OR8D1: variants seen among roughly 807,000 people sequenced by gnomAD.
OR8D1 encodes the protein olfactory receptor family 8 subfamily D member 1.
For synonymous variants in OR8D1, 143 were observed against 147.0 expected (o/e 0.97, Z 0.20); for missense variants, 384 against 366.8 (o/e 1.05, Z -0.38).
chr11:124,312,551 T>TAC (rs1318022746), intron 1 of OR8D1, among the ~76,000 whole-genome samples: 1 of 149,238 alleles, frequency 6.7e-6, no homozygotes, highest in East Asian at 2.0e-4. Context: ...AGAGTTTTGC[T>TAC]CTGTCGCCCA....
At position 124,310,334 on chromosome 11, in the gene OR8D1, C is replaced by G; in HGVS notation, c.433G>C (p.Val145Leu). The G allele has an allele frequency of 6.2e-7, 1 of 1,613,732 alleles. No individual in the cohort carries two copies. Among genetic ancestry groups the G allele is most frequent in the Non-Finnish European group, 8.5e-7 (1 of 1,179,922 alleles). ...AAGCCCAAGAAGAAGGCAGCCAGCA[C>G]TAGCAGTGAGCAGACCCATGAGGAC... ...IMSSWVCSLL[V>L]LAAFFLGFLS... The change falls in exon 3 of 3, where the codon GTG becomes CTG. Residue 145 changes from valine (V) to leucine (L), a missense_variant. By Grantham distance (32) the Val-to-Leu change is conservative. Coordinates refer to ENST00000641015, the MANE Select transcript of OR8D1 (RefSeq NM_001002917.2).
Position 124,309,982 on chromosome 11 carries a change from G to T in OR8D1, c.785C>A (p.Pro262His). 1 of 1,579,038 alleles carries T rather than the reference G, an allele frequency of 6.3e-7. No individual in the cohort carries two copies. The highest frequency in any genetic ancestry group is 2.2e-5 in the East Asian group (1 of 44,584). Residue 262 changes from proline to histidine, a missense_variant, in exon 3 of 3, where the codon CCC becomes CAC. Physicochemically the swap from Pro to His is moderately conservative, Grantham distance 77. Coordinates refer to ENST00000641015, the MANE Select transcript of OR8D1 (RefSeq NM_001002917.2). ...CTGGTCCAGGGAGTTACTTGAAGGG[G>T]GCTTGAAATACATGAAGGTAATGGA... ...FGSITFMYFK[P>H]PSSNSLDQEK...
rs1026774385 is a variant in OR8D1 at position 124,303,347 on chromosome 11, A to C, written c.*6493T>G. On this transcript the variant is annotated 3_prime_UTR_variant, in exon 3 of 3. Coordinates refer to ENST00000641015, the MANE Select transcript of OR8D1 (RefSeq NM_001002917.2). The stretch of plus-strand genomic sequence containing the variant: ...ACGGGGATTACAGGTCCCTCTGTCG[A>C]CACGTGGATGTGGACACAGGGCTAA... The C allele has an allele frequency of 6.6e-6, 1 of 152,052 alleles. No homozygotes were observed. The highest frequency in any genetic ancestry group is 2.4e-5 in the African/African-American group (1 of 41,418). 9.4% of individuals were successfully genotyped at this position (152,052 alleles called of 1,614,324 possible).
rs1396252509 is a variant in OR8D1 at position 124,307,398 on chromosome 11, GTT to G, written c.*2440_*2441del. On this transcript the variant is annotated 3_prime_UTR_variant, in exon 3 of 3. Coordinates refer to ENST00000641015, the MANE Select transcript of OR8D1 (RefSeq NM_001002917.2). ...CCACTGGTGCATATACAGAAGAGTT[GTT>G]TACAAATAAGTGAATAACTTTAGAA... The G allele has an allele frequency of 1.3e-5, 2 of 152,110 alleles. No individual in the cohort carries two copies. Among genetic ancestry groups the G allele is most frequent in the Admixed American group, 6.6e-5 (1 of 15,244 alleles). 9.4% of individuals were successfully genotyped at this position (152,110 alleles called of 1,614,324 possible).
In OR8D1 at chr11:124,310,899, TG is replaced by T. The variant is rs1459817507; in HGVS notation, c.-16-118del. ...TAACAGACTGAGTCATAGTTTTCAT[TG>T]TCTCTAAACTTGATACCTCTGCTTT... On this transcript the variant is annotated intron_variant, in intron 2 of 2. Transcript: ENST00000641015. 18 of 652,156 alleles carry T rather than the reference TG, an allele frequency of 2.8e-5. No homozygotes were observed. The African/African-American group carries it at 2.9e-4, about 11-fold the overall frequency. 40.4% of individuals were successfully genotyped at this position (652,156 alleles called of 1,614,324 possible). A position where few individuals can be genotyped will look rare whatever the true frequency, so the allele number is the denominator to read the frequency against.
In OR8D1 at chr11:124,304,375, T is replaced by C. The variant is rs1328697096; in HGVS notation, c.*5465A>G. 6.6e-6 allele frequency: 1 copy of C among 151,976 alleles called. No homozygotes were observed. The highest frequency in any genetic ancestry group is 1.5e-5 in the Non-Finnish European group (1 of 67,928). The allele number at this position is 151,976 out of a possible 1,614,324, so 9.4% of individuals were successfully genotyped here. A position where few individuals can be genotyped will look rare whatever the true frequency, so the allele number is the denominator to read the frequency against. On this transcript the variant is annotated 3_prime_UTR_variant, in exon 3 of 3. Transcript: ENST00000641015. ...TTTGGTTGCATGCCTCGATAGATTG[T>C]CCCTTTTTATTACTAAGTGGTGTTC...
Position 124,302,969 on chromosome 11 carries a change from C to T in OR8D1, c.*6871G>A, listed in dbSNP as rs1387508376. The T allele has an allele frequency of 1.3e-5, 2 of 152,038 alleles. No homozygotes were observed. The highest frequency in any genetic ancestry group is 4.1e-4 in the South Asian group (2 of 4,826). 9.4% of individuals were successfully genotyped at this position (152,038 alleles called of 1,614,324 possible). A position where few individuals can be genotyped will look rare whatever the true frequency, so the allele number is the denominator to read the frequency against. On this transcript the variant is annotated 3_prime_UTR_variant, in exon 3 of 3. Transcript: ENST00000641015. ...CCAGGGCTTCCTGTCTCCTGATTTA[C>T]TCATGAACTCCTTACTAGGAAGGAA...
rs377692637 is a variant in OR8D1, at chr11:124,308,499, C to G, written c.*1341G>C. 55 of 152,132 alleles carry G rather than the reference C, an allele frequency of 3.6e-4. No individual in the cohort carries two copies. The highest frequency in any genetic ancestry group is 1.3e-3 in the African/African-American group (53 of 41,528). The allele number at this position is 152,132 out of a possible 1,614,324, so 9.4% of individuals were successfully genotyped here. On this transcript the variant is annotated 3_prime_UTR_variant, in exon 3 of 3. Coordinates refer to ENST00000641015, the MANE Select transcript of OR8D1 (RefSeq NM_001002917.2). ...CAAGGCCACGGTAAATGTTTAGGACCTGGTTCAACAAACTGATAGGAAGAT... is the reference window on the plus strand; with the variant it reads ...CAAGGCCACGGTAAATGTTTAGGACGTGGTTCAACAAACTGATAGGAAGAT...
At chr11:124,311,917 G>T (rs1461382887) in intron 1 of OR8D1, among the ~76,000 whole-genome samples, 1 of 152,124 alleles carries the variant, frequency 6.6e-6, no homozygotes, top group South Asian at 2.1e-4. Context: ...TATTGAATGA[G>T]CTTAATGAGG....
rs1401739327 is a variant in OR8D1 at position 124,304,392 on chromosome 11, G to A, written c.*5448C>T. ...ATAGATTGTCCCTTTTTATTACTAAGTGGTGTTCCATTATACATATATTCC... is the reference window on the plus strand; with the variant it reads ...ATAGATTGTCCCTTTTTATTACTAAATGGTGTTCCATTATACATATATTCC... On this transcript the variant is annotated 3_prime_UTR_variant, in exon 3 of 3. Transcript: ENST00000641015. 1 of 151,868 alleles carries A rather than the reference G, an allele frequency of 6.6e-6. No homozygotes were observed. The highest frequency in any genetic ancestry group is 1.9e-4 in the East Asian group (1 of 5,182). The allele number at this position is 151,868 out of a possible 1,614,324, so 9.4% of individuals were successfully genotyped here. A position where few individuals can be genotyped will look rare whatever the true frequency, so the allele number is the denominator to read the frequency against.
At position 124,310,498 on chromosome 11, in the gene OR8D1, T is replaced by G. The variant is rs144734293; in HGVS notation, c.269A>C (p.Asn90Thr). The G allele has an allele frequency of 6.8e-6, 11 of 1,613,586 alleles. No homozygotes were observed. The highest frequency in any genetic ancestry group is 8.5e-6 in the Non-Finnish European group (10 of 1,179,870). ...KMLVNFLGKK[N>T]TILYSECMVQ... ...CATGCACTCAGAGTAAAGGATTGTA[T>G]TCTTCTTTCCTAGGAAGTTCACCAG... The change falls in exon 3 of 3, where the codon AAT (asparagine) becomes ACT (threonine). Residue 90 changes from asparagine to threonine, a missense_variant. Asn to Thr is a moderately conservative substitution (Grantham distance 65). Transcript: ENST00000641015.
At position 124,305,702 on chromosome 11, in the gene OR8D1, G is replaced by A. The variant is rs1862363787; in HGVS notation, c.*4138C>T. Reference sequence around the variant, plus strand: ...ATATAAAATTCATTAAAATGCAGTGGAGGAATATCTTAAAAACTGATTGGA... The same window carrying A: ...ATATAAAATTCATTAAAATGCAGTGAAGGAATATCTTAAAAACTGATTGGA... On this transcript the variant is annotated 3_prime_UTR_variant, in exon 3 of 3. Transcript: ENST00000641015. 1 of 151,748 alleles carries A rather than the reference G, an allele frequency of 6.6e-6. No individual in the cohort carries two copies. Among genetic ancestry groups the A allele is most frequent in the African/African-American group, 2.4e-5 (1 of 41,360 alleles). 9.4% of individuals were successfully genotyped at this position (151,748 alleles called of 1,614,324 possible). A position where few individuals can be genotyped will look rare whatever the true frequency, so the allele number is the denominator to read the frequency against.
In OR8D1 at chr11:124,307,008, T is replaced by C. The variant is rs1336660843; in HGVS notation, c.*2832A>G. ...TTGGTTATCCTTGCCTATGAAATTC[T>C]ACCTCTACTAATAGAGACCTACAGG... On this transcript the variant is annotated 3_prime_UTR_variant, in exon 3 of 3. Transcript: ENST00000641015. 1 of 152,108 alleles carries C rather than the reference T, an allele frequency of 6.6e-6. No homozygotes were observed. The highest frequency in any genetic ancestry group is 2.4e-5 in the African/African-American group (1 of 41,438). 9.4% of individuals were successfully genotyped at this position (152,108 alleles called of 1,614,324 possible).
rs894494242 is a variant in OR8D1, at chr11:124,306,442, C to G, written c.*3398G>C. On this transcript the variant is annotated 3_prime_UTR_variant, in exon 3 of 3. Transcript: ENST00000641015. ...ATATTCACAGTGAAACTTCTGCATA[C>G]TTTTCTATGGGATATTAATCTTTTT... The G allele has an allele frequency of 6.7e-6, 1 of 149,362 alleles. No individual in the cohort carries two copies. Among genetic ancestry groups the G allele is most frequent in the South Asian group, 2.1e-4 (1 of 4,782 alleles). The allele number at this position is 149,362 out of a possible 1,614,324, so 9.3% of individuals were successfully genotyped here. A position where few individuals can be genotyped will look rare whatever the true frequency, so the allele number is the denominator to read the frequency against.
rs2137789586 is a variant in OR8D1 at position 124,307,665 on chromosome 11, C to G, written c.*2175G>C. ...CTTAAAATTGAACACAAAGGGGAAGCTTTTTTCAAGAAAGTCATGATATGA... is the reference window on the plus strand; with the variant it reads ...CTTAAAATTGAACACAAAGGGGAAGGTTTTTTCAAGAAAGTCATGATATGA... On this transcript the variant is annotated 3_prime_UTR_variant, in exon 3 of 3. Coordinates refer to ENST00000641015, the MANE Select transcript of OR8D1 (RefSeq NM_001002917.2). The G allele has an allele frequency of 6.6e-6, 1 of 152,066 alleles. No individual in the cohort carries two copies. The highest frequency in any genetic ancestry group is 1.9e-4 in the East Asian group (1 of 5,166). The allele number at this position is 152,066 out of a possible 1,614,324, so 9.4% of individuals were successfully genotyped here.
chr11:124,304,244 G>C lies in OR8D1; in HGVS notation c.*5596C>G, dbSNP rs959038408. On this transcript the variant is annotated 3_prime_UTR_variant, in exon 3 of 3. Transcript: ENST00000641015. The stretch of plus-strand genomic sequence containing the variant: ...ATCATTATGAATTTTATCTTCACAG[G>C]TTTATATTGCCTATTCTTGCACTTG... 6.6e-6 allele frequency: 1 copy of C among 151,780 alleles called. No homozygotes were observed. The highest frequency in any genetic ancestry group is 1.5e-5 in the Non-Finnish European group (1 of 67,906). The allele number at this position is 151,780 out of a possible 1,614,324, so 9.4% of individuals were successfully genotyped here.
In OR8D1 at chr11:124,304,797, CA is replaced by C; in HGVS notation, c.*5042del. On this transcript the variant is annotated 3_prime_UTR_variant, in exon 3 of 3. Coordinates refer to ENST00000641015, the MANE Select transcript of OR8D1 (RefSeq NM_001002917.2). ...TTATTTATAAAAGTTGGATATAAGT[CA>C]TTTGTTGGACACATTTGTTTTGTGT... 6.6e-6 allele frequency: 1 copy of C among 151,714 alleles called. No individual in the cohort carries two copies. Among genetic ancestry groups the C allele is most frequent in the African/African-American group, 2.4e-5 (1 of 41,460 alleles). 9.4% of individuals were successfully genotyped at this position (151,714 alleles called of 1,614,324 possible). A position where few individuals can be genotyped will look rare whatever the true frequency, so the allele number is the denominator to read the frequency against.
rs781039663 is a variant in OR8D1, at chr11:124,308,147, T to G, written c.*1693A>C. On this transcript the variant is annotated 3_prime_UTR_variant, in exon 3 of 3. Coordinates refer to ENST00000641015, the MANE Select transcript of OR8D1 (RefSeq NM_001002917.2). ...TGATTTAGAAAGAATGCTTCAGTTTTATAACCCTAACAAGAGCAGAAGAAA... is the reference window on the plus strand; with the variant it reads ...TGATTTAGAAAGAATGCTTCAGTTTGATAACCCTAACAAGAGCAGAAGAAA... The G allele has an allele frequency of 2.6e-5, 4 of 152,074 alleles. No individual in the cohort carries two copies. Among genetic ancestry groups the G allele is most frequent in the Non-Finnish European group, 5.9e-5 (4 of 68,004 alleles). The allele number at this position is 152,074 out of a possible 1,614,324, so 9.4% of individuals were successfully genotyped here. A position where few individuals can be genotyped will look rare whatever the true frequency, so the allele number is the denominator to read the frequency against.
chr11:124,303,770 T>C lies in OR8D1; in HGVS notation c.*6070A>G, dbSNP rs1478118987. On this transcript the variant is annotated 3_prime_UTR_variant, in exon 3 of 3. Transcript: ENST00000641015. Reference sequence around the variant, plus strand: ...ATAATCATTTCAAAATAATTACATATAGCAAAATGAACAGGTATTAAGTAT... The same window carrying C: ...ATAATCATTTCAAAATAATTACATACAGCAAAATGAACAGGTATTAAGTAT... 6.6e-6 allele frequency: 1 copy of C among 151,972 alleles called. No homozygotes were observed. Among genetic ancestry groups the C allele is most frequent in the Admixed American group, 6.6e-5 (1 of 15,218 alleles). 9.4% of individuals were successfully genotyped at this position (151,972 alleles called of 1,614,324 possible).
Sources: gnomAD v4.1 joint callset for allele counts (sites outside exome capture counted in the v4.1 genomes callset) on GRCh38, gnomAD v4.1.1 for gene constraint, MANE v1.5 for transcripts, NCBI Gene and HGNC (gene_info 2026-07-23, HGNC 2026-07-21) for gene names.